The following CIROP variants were observed in gnomAD, a reference collection of about 807,000 sequenced individuals.
The protein encoded by CIROP is ciliated left-right organizer metallopeptidase, also known as leishmanolysin homolog.
chr14:23,103,886 G>C, the CIROP span: 1 of 659,470 alleles, frequency 1.5e-6, no homozygotes, highest in East Asian at 2.7e-5. Flanking sequence ...ATGAGGAGTA[G>C]GGGAGAATGA....
the CIROP span, chr14:23,102,104 A>G: frequency 1.4e-6 from 1 of 702,832 alleles, no homozygotes; most frequent in Non-Finnish European, 2.6e-6. Context: ...TGGCCCCACA[A>G]CAGCTCCTCT....
At chr14:23,102,310 T>G in the CIROP span, 1 of 702,246 alleles carries the variant, frequency 1.4e-6, no homozygotes, top group Non-Finnish European at 2.6e-6. Flanking sequence ...GGCTACTCCT[T>G]TCTTCCATCA....
the CIROP span, chr14:23,101,982 C>A: frequency 1.4e-6 from 1 of 701,230 alleles, no homozygotes; most frequent in Non-Finnish European, 2.6e-6. Flanking sequence ...CACCAGCTAT[C>A]CTCACAGCTT....
the CIROP span, chr14:23,102,567 T>C: frequency 1.4e-6 from 1 of 702,240 alleles, no homozygotes. Flanking sequence ...AAGGACGTTA[T>C]GAGATAGTGA....
chr14:23,101,556 G>A, the CIROP span: 195 of 670,264 alleles, frequency 2.9e-4, 1 homozygote, highest in South Asian at 3.0e-3. Flanking sequence ...CCTTCTTCCA[G>A]CATTCACTCT....
chr14:23,100,602 G>A, the CIROP span: 1 of 401,746 alleles, frequency 2.5e-6, no homozygotes. Context: ...GCAACTGAAG[G>A]CCCTTGGCAG....
chr14:23,102,122 T>C, the CIROP span: 1 of 703,032 alleles, frequency 1.4e-6, no homozygotes, highest in Middle Eastern at 2.3e-4. Flanking sequence ...TCTGCAGCGC[T>C]GTGGTTGACC....
At chr14:23,101,240 T>G in the CIROP span, 3 of 450,368 alleles carry the variant, frequency 6.7e-6, no homozygotes, top group Admixed American at 7.6e-5. Context: ...TACAAGTATT[T>G]CCCGACTTCT....
the CIROP span, chr14:23,101,980 A>G: frequency 2.6e-5 from 18 of 701,144 alleles, no homozygotes; most frequent in African/African-American, 2.6e-4. Context: ...AGCACCAGCT[A>G]TCCTCACAGC....
chr14:23,103,561 G>GCAAAACAAAACAAAACAAAA, the CIROP span: 2 of 463,246 alleles, frequency 4.3e-6, no homozygotes, highest in East Asian at 7.0e-5. Flanking sequence ...GAAAACAAAA[G>GCAAAACAAAACAAAACAAAA]CAAAATAAAA....
chr14:23,103,841 A>G, the CIROP span: 1 of 700,598 alleles, frequency 1.4e-6, no homozygotes, highest in East Asian at 2.7e-5. Flanking sequence ...GAAATGTTGC[A>G]TTAGCAGAGG....
the CIROP span, chr14:23,100,290 A>G: frequency 1.0e-5 from 4 of 393,772 alleles, no homozygotes; most frequent in East Asian, 1.5e-4. Flanking sequence ...GGAGGGGACT[A>G]AGATCCCTAT....
the CIROP span, chr14:23,101,986 A>G: frequency 1.4e-6 from 1 of 700,954 alleles, no homozygotes; most frequent in Non-Finnish European, 2.6e-6. Flanking sequence ...AGCTATCCTC[A>G]CAGCTTCGAT....
chr14:23,103,619 A>T, the CIROP span: 2 of 680,906 alleles, frequency 2.9e-6, no homozygotes, highest in African/African-American at 3.6e-5. Flanking sequence ...AACCCTCCTC[A>T]TGAGATTTAA....
At chr14:23,102,078 C>G in the CIROP span, 2 of 702,902 alleles carry the variant, frequency 2.8e-6, no homozygotes, top group Admixed American at 2.0e-5. Flanking sequence ...CTGCAGGTCT[C>G]CCTTATTCCT....
chr14:23,103,163 A>C, the CIROP span: 1 of 437,108 alleles, frequency 2.3e-6, no homozygotes, highest in East Asian at 3.4e-5. Flanking sequence ...ACTCTGCAGG[A>C]GTGGTATCAA....
the CIROP span, chr14:23,104,691 G>A: frequency 1.4e-6 from 1 of 702,980 alleles, no homozygotes; most frequent in Non-Finnish European, 2.6e-6. Context: ...AGGATCCCAA[G>A]CTCCATCTGA....
the CIROP span, chr14:23,101,668 C>A: frequency 1.4e-6 from 1 of 703,046 alleles, no homozygotes; most frequent in East Asian, 2.7e-5. Context: ...TATCTACTCA[C>A]CCCATTGGCT....
chr14:23,102,534 A>G, the CIROP span: 1 of 699,208 alleles, frequency 1.4e-6, no homozygotes. Flanking sequence ...AAAACTTAGG[A>G]AGGGTGAAGT....
Sources: allele counts gnomAD v4.1 joint callset, GRCh38; gene constraint gnomAD v4.1.1; transcripts MANE v1.5; gene names NCBI Gene and HGNC (gene_info 2026-07-23, HGNC 2026-07-21).